The following HMCN1 variants were observed in gnomAD, a reference collection of about 807,000 sequenced individuals.
The protein encoded by HMCN1 is hemicentin 1.
In HMCN1, 321 loss-of-function variants were observed where a neutral mutation model predicts 625.9. That is an observed-to-expected ratio of 0.51 (90% CI 0.47 to 0.56). The LOEUF is 0.56. HMCN1 is among the 20% of genes least tolerant of loss of function. The probability of loss-of-function intolerance (pLI) is 0.00; values close to 1 mark genes in which losing one functional copy is unlikely to be tolerated. For synonymous variants in HMCN1, 2,425 were observed against 2,417.6 expected, an observed-to-expected ratio of 1.00 and a Z score of -0.09; for missense variants, 6,588 against 6,887.3, an observed-to-expected ratio of 0.96 and a Z score of 1.54.
intron 78 of HMCN1, 101 bp downstream of exon 78, chr1:186,119,399 C>T: frequency 1.1e-6 from 1 of 899,610 alleles, no homozygotes; most frequent in African/African-American, 1.6e-5. Flanking sequence ...GAGCTATGAA[C>T]CATAGTAATA....
chr1:185,971,392 T>C (rs934598341), intron 15 of HMCN1, among the ~76,000 whole-genome samples: 6 of 152,222 alleles, frequency 3.9e-5, no homozygotes, highest in Non-Finnish European at 8.8e-5. Flanking sequence ...TGGTCCTCCC[T>C]TTTTTGTCTA....
rs1553284156 is a variant in HMCN1, at chr1:186,057,031, T to TCTCACA, written c.7145-202_7145-201insTCACAC. ...AGTGACATTTTTACTTCCAGGAATG[T>TCTCACA]CACACACACACACACACACACACAC... On this transcript the variant is annotated intron_variant, in intron 45 of 106. Coordinates refer to ENST00000271588, the MANE Select transcript of HMCN1 (RefSeq NM_031935.3). Among the ~76,000 whole-genome samples the TCTCACA allele has an allele frequency of 3.5e-3, 517 of 148,028 alleles. 1 individual carries two copies. Among genetic ancestry groups the TCTCACA allele is most frequent in the African/African-American group, 0.012 (490 of 40,272 alleles).
intron 1 of HMCN1, among the ~76,000 whole-genome samples, chr1:185,835,005 A>C (rs995662985): frequency 6.6e-6 from 1 of 152,218 alleles, no homozygotes; most frequent in Non-Finnish European, 1.5e-5. Flanking sequence ...GACAGATAAC[A>C]TAACTTGACG....
chr1:185,958,417 G>A (rs1649773727), intron 11 of HMCN1, among the ~76,000 whole-genome samples: 1 of 152,094 alleles, frequency 6.6e-6, no homozygotes, highest in African/African-American at 2.4e-5. Context: ...CCACGTACAG[G>A]CTGAAATAGG....
intron 1 of HMCN1, among the ~76,000 whole-genome samples, chr1:185,741,006 GAAAACA>G (rs1333336569): frequency 1.3e-5 from 2 of 151,928 alleles, no homozygotes; most frequent in African/African-American, 2.4e-5. Flanking sequence ...AAACAAAAAC[GAAAACA>G]AAAACAAAAA....
At chr1:186,014,287 A>G (rs1654205583) in intron 30 of HMCN1, among the ~76,000 whole-genome samples, 1 of 151,366 alleles carries the variant, frequency 6.6e-6, no homozygotes, top group Non-Finnish European at 1.5e-5. Flanking sequence ...ATACTTATAT[A>G]GATTATATTG....
rs553166095 is a variant in HMCN1 at position 186,093,844 on chromosome 1, T to G, written c.10196+175T>G. ...ACAAATATACAGTTGAAATGATTTT[T>G]TATCCTTATTTAAGTGCTTTCATTT... On this transcript the variant is annotated intron_variant, in intron 66 of 106. Coordinates refer to ENST00000271588, the MANE Select transcript of HMCN1 (RefSeq NM_031935.3). 2.0e-5 allele frequency among the ~76,000 whole-genome samples: 3 copies of G among 152,258 alleles called. No individual in the cohort carries two copies. In the East Asian group the frequency reaches 5.8e-4, roughly 29 times the overall value.
intron 44 of HMCN1, 91 bp downstream of exon 44, chr1:186,054,077 T>C: frequency 8.0e-7 from 1 of 1,248,534 alleles, no homozygotes; most frequent in South Asian, 1.2e-5. Context: ...TTAATGTTCA[T>C]TCAAAATGGT....
chr1:186,078,826 T>A (rs1015611681), intron 55 of HMCN1, among the ~76,000 whole-genome samples: 5 of 152,164 alleles, frequency 3.3e-5, no homozygotes, highest in African/African-American at 7.2e-5. Flanking sequence ...TTGAACCAAA[T>A]CACCATCTGA....
chr1:186,182,045 C>A, intron 104 of HMCN1, 123 bp from the exon 105 acceptor site: 1 of 1,042,748 alleles, frequency 9.6e-7, no homozygotes, highest in Non-Finnish European at 1.5e-6. Context: ...TTTTTTAACA[C>A]ATGAGTATAA....
In HMCN1 at chr1:185,885,516, CG is replaced by C. The variant is rs201998459; in HGVS notation, c.621+19654del. 2.2e-3 allele frequency among the ~76,000 whole-genome samples: 333 copies of C among 148,910 alleles called. 1 individual carries two copies. Among genetic ancestry groups the C allele is most frequent in the African/African-American group, 3.9e-3 (154 of 39,118 alleles). On this transcript the variant is annotated intron_variant, in intron 4 of 106. Coordinates refer to ENST00000271588, the MANE Select transcript of HMCN1 (RefSeq NM_031935.3). ...ATTACTTTAGTGACAAATTTCCTGA[CG>C]TTTTTTTTTTTCCTTTTCTCTAAAC... is the stretch of plus-strand genomic sequence containing the variant.
chr1:185,818,626 T>A (rs552665065), intron 1 of HMCN1, among the ~76,000 whole-genome samples: 2 of 152,308 alleles, frequency 1.3e-5, no homozygotes, highest in East Asian at 3.9e-4. Context: ...TTTGGGCTTT[T>A]TTTGGCAGTG....
intron 36 of HMCN1, among the ~76,000 whole-genome samples, chr1:186,035,318 G>A (rs1655748368): frequency 6.6e-6 from 1 of 152,078 alleles, no homozygotes. Flanking sequence ...CAACTCCCAG[G>A]ACAAAAAAGA....
intron 106 of HMCN1, 129 bp downstream of exon 106, chr1:186,188,138 T>C (rs1325986874): frequency 1.9e-5 from 21 of 1,107,470 alleles, no homozygotes; most frequent in African/African-American, 1.5e-5. Context: ...AGATGTGGGG[T>C]TACAGTAAGT....
In HMCN1 at chr1:185,842,681, T is replaced by C. The variant is rs553904474; in HGVS notation, c.269-3345T>C. On this transcript the variant is annotated intron_variant, in intron 1 of 106. Transcript: ENST00000271588. ...GGGAGGTCAAGGCCGCAGTAAGCTA[T>C]GACAGTGCCACTGCACTCCAGCCTG... 1.2e-4 allele frequency among the ~76,000 whole-genome samples: 18 copies of C among 151,896 alleles called. No homozygotes were observed. In the East Asian group the frequency reaches 3.5e-3, roughly 29 times the overall value.
chr1:185,968,231 C>T (rs530525659), intron 14 of HMCN1, among the ~76,000 whole-genome samples: 1 of 152,008 alleles, frequency 6.6e-6, no homozygotes, highest in South Asian at 2.1e-4. Flanking sequence ...TTTCTGGAGG[C>T]TATGTGATGT....
At chr1:185,749,202 GACTATAT>G (rs1382373745) in intron 1 of HMCN1, among the ~76,000 whole-genome samples, 1 of 152,184 alleles carries the variant, frequency 6.6e-6, no homozygotes, top group African/African-American at 2.4e-5. Context: ...GTTTCAGTGA[GACTATAT>G]ACTATTGGTG....
intron 1 of HMCN1, among the ~76,000 whole-genome samples, chr1:185,755,391 G>T (rs1655066939): frequency 6.6e-6 from 1 of 152,218 alleles, no homozygotes; most frequent in Non-Finnish European, 1.5e-5. Flanking sequence ...GCTGATTCAG[G>T]AGGTTGTCCA....
chr1:186,150,686 A>G (rs1218571996), intron 93 of HMCN1, among the ~76,000 whole-genome samples: 12 of 152,128 alleles, frequency 7.9e-5, no homozygotes, highest in African/African-American at 2.9e-4. Flanking sequence ...AACAAATAAA[A>G]GAACACAGGG....
Sources: gnomAD v4.1 joint callset for allele counts (sites outside exome capture counted in the v4.1 genomes callset) on GRCh38, gnomAD v4.1.1 for gene constraint, MANE v1.5 for transcripts, NCBI Gene and HGNC (gene_info 2026-07-23, HGNC 2026-07-21) for gene names.